Variants in CCDC57 observed in about 807,000 individuals in gnomAD.
CCDC57 encodes the protein coiled-coil domain-containing protein 57.
In CCDC57, 118 loss-of-function variants were observed where a neutral mutation model predicts 118.9. The observed-to-expected ratio is 0.99, with a 90% CI of 0.86 to 1.16. The LOEUF is 1.16. CCDC57 is among the 50% of genes most tolerant of loss of function. The pLI, the probability that CCDC57 is intolerant of heterozygous loss-of-function variation, is 0.00. For synonymous variants in CCDC57, 527 were observed against 532.9 expected, an observed-to-expected ratio of 0.99 and a Z score of 0.15; for missense variants, 1,300 against 1,320.7, an observed-to-expected ratio of 0.98 and a Z score of 0.24.
chr17:82,167,488 T>A (rs1325684752), intron 13 of CCDC57, among the ~76,000 whole-genome samples: 1 of 151,980 alleles, frequency 6.6e-6, no homozygotes, highest in Non-Finnish European at 1.5e-5. Flanking sequence ...ATAGCTGGGA[T>A]CACAGGTGTC....
intron 19 of CCDC57, among the ~76,000 whole-genome samples, chr17:82,116,348 C>T (rs1476060339): frequency 6.6e-6 from 1 of 152,030 alleles, no homozygotes; most frequent in Non-Finnish European, 1.5e-5. Context: ...GACCCACCCA[C>T]AGGGTGCATG....
intron 19 of CCDC57, among the ~76,000 whole-genome samples, chr17:82,102,888 A>G (rs1341648686): frequency 6.8e-6 from 1 of 147,686 alleles, no homozygotes; most frequent in African/African-American, 2.6e-5. Flanking sequence ...TCTATCTCAA[A>G]AAAAAAAAAA....
At chr17:82,142,335 C>A (rs999110259) in intron 16 of CCDC57, among the ~76,000 whole-genome samples, 2 of 150,232 alleles carry the variant, frequency 1.3e-5, no homozygotes, top group African/African-American at 4.9e-5. Context: ...TTTCTTGAGA[C>A]GGAGTCTTGC....
intron 2 of CCDC57, chr17:82,207,701 C>A (rs575609765): frequency 6.6e-6 from 1 of 152,382 alleles, no homozygotes; most frequent in African/African-American, 2.4e-5. Flanking sequence ...GAACTCCGTT[C>A]TCCCGCACAG....
At chr17:82,149,819 C>G (rs2041620992) in intron 16 of CCDC57, among the ~76,000 whole-genome samples, 1 of 149,438 alleles carries the variant, frequency 6.7e-6, no homozygotes, top group Non-Finnish European at 1.5e-5. Flanking sequence ...TGACCCACAC[C>G]CAGAACCAGG....
chr17:82,126,571 A>G, intron 19 of CCDC57: 1 of 985,314 alleles, frequency 1.0e-6, no homozygotes, highest in Non-Finnish European at 1.2e-6. Flanking sequence ...CTCCCAGCAG[A>G]GGCGCTGATG....
At chr17:82,195,040 G>A (rs187444326) in intron 5 of CCDC57, among the ~76,000 whole-genome samples, 59 of 152,376 alleles carry the variant, frequency 3.9e-4, no homozygotes, top group African/African-American at 1.2e-3. Flanking sequence ...AGATGCAGGC[G>A]GAGGTGAACT....
At chr17:82,204,578 T>C (rs2049381306) in intron 2 of CCDC57, among the ~76,000 whole-genome samples, 1 of 152,132 alleles carries the variant, frequency 6.6e-6, no homozygotes, top group Non-Finnish European at 1.5e-5. Context: ...GGTCAGGAGA[T>C]TGAGACCATC....
chr17:82,125,071 GAA>G (rs2037238166), intron 19 of CCDC57, among the ~76,000 whole-genome samples: 1 of 152,212 alleles, frequency 6.6e-6, no homozygotes, highest in African/African-American at 2.4e-5. Flanking sequence ...AAGACAGAGA[GAA>G]ACGCGCCACA....
intron 13 of CCDC57, among the ~76,000 whole-genome samples, chr17:82,166,911 G>A (rs1364262188): frequency 6.6e-6 from 1 of 151,820 alleles, no homozygotes; most frequent in African/African-American, 2.4e-5. Context: ...GCAAGGCCCT[G>A]TCTCAAAAAC....
chr17:82,168,197 CTTCT>C (rs1352839209), intron 13 of CCDC57, among the ~76,000 whole-genome samples: 3 of 152,228 alleles, frequency 2.0e-5, no homozygotes, highest in Admixed American at 1.3e-4. Flanking sequence ...ATGCCACTTC[CTTCT>C]GAGGAGAAAT....
chr17:82,159,670 T>C (rs2043083353), intron 14 of CCDC57, among the ~76,000 whole-genome samples: 1 of 124,706 alleles, frequency 8.0e-6, no homozygotes, highest in African/African-American at 2.9e-5. Context: ...ATATTTGTCA[T>C]TTTCTTTTTT....
chr17:82,138,662 G>GGTCGGAAGAGACGCGTGGCCTGCCCCGC (rs2039604982), intron 16 of CCDC57, among the ~76,000 whole-genome samples: 1 of 146,648 alleles, frequency 6.8e-6, no homozygotes, highest in African/African-American at 2.7e-5. Context: ...GCCTGCCCCG[G>GGTCGGAAGAGACGCGTGGCCTGCCCCGC]GTCGGAAGAG....
intron 7 of CCDC57, among the ~76,000 whole-genome samples, chr17:82,193,537 C>G (rs2047926542): frequency 6.6e-6 from 1 of 150,728 alleles, no homozygotes; most frequent in African/African-American, 2.4e-5. Context: ...AGAGCAAGAC[C>G]CTGTCAAAAA....
At chr17:82,191,693 G>T (rs1368662668) in intron 7 of CCDC57, among the ~76,000 whole-genome samples, 1 of 151,984 alleles carries the variant, frequency 6.6e-6, no homozygotes, top group Admixed American at 6.6e-5. Flanking sequence ...TTAAGACAGG[G>T]TCTCACTTTG....
rs1436286818 is a variant in CCDC57 at position 82,212,300 on chromosome 17, T to C, written c.-211+485A>G. 6.6e-6 allele frequency among the ~76,000 whole-genome samples: 1 copy of C among 151,804 alleles called. No individual in the cohort carries two copies. Among genetic ancestry groups the C allele is most frequent in the Non-Finnish European group, 1.5e-5 (1 of 67,970 alleles). On this transcript the variant is annotated intron_variant, in intron 1 of 19. Transcript: ENST00000665763. The surrounding 1 kb of genome is among the most constrained non-coding windows in gnomAD (Gnocchi z 4.1). The stretch of plus-strand genomic sequence containing the variant: ...GGTTTCACCATGTTGGCCAGGCTGG[T>C]CTCGAACTCCGGGCCTCAAGCAATC...
At chr17:82,145,426 A>C (rs1203297482) in intron 16 of CCDC57, among the ~76,000 whole-genome samples, 1 of 151,956 alleles carries the variant, frequency 6.6e-6, no homozygotes, top group Non-Finnish European at 1.5e-5. Context: ...GGGCGCCTGT[A>C]ATACCAGCTA....
chr17:82,162,829 G>A (rs111865232), intron 14 of CCDC57, among the ~76,000 whole-genome samples: 6 of 20,528 alleles, frequency 2.9e-4, no homozygotes, highest in East Asian at 7.5e-3. Context: ...CGGGCAGCCC[G>A]CACACACGCC....
chr17:82,172,966 C>G lies in CCDC57; in HGVS notation c.1507-106G>C. 1.0e-6 allele frequency: 1 copy of G among 992,414 alleles called. No homozygotes were observed. The highest frequency in any genetic ancestry group is 1.6e-5 in the African/African-American group (1 of 62,572). The allele number at this position is 992,414 out of a possible 1,614,324, so 61.5% of individuals were successfully genotyped here. A position where few individuals can be genotyped will look rare whatever the true frequency, so the allele number is the denominator to read the frequency against. On this transcript the variant is annotated intron_variant, in intron 11 of 19. Transcript: ENST00000665763. The surrounding 1 kb of genome is among the most constrained non-coding windows in gnomAD (Gnocchi z 5.2). ...CCGCGCCCCTCTCGGGCCGGTCCCC[C>G]GCTTCAGCTTGGGCTGTGGTCCCTC...
Sources: gnomAD v4.1 joint callset for allele counts (sites outside exome capture counted in the v4.1 genomes callset) on GRCh38, gnomAD v4.1.1 for gene constraint, Gnocchi (gnomAD v3.1) non-coding constraint, MANE v1.5 for transcripts, NCBI Gene and HGNC (gene_info 2026-07-23, HGNC 2026-07-21) for gene names.